FCRL6: variants seen among roughly 807,000 people sequenced by gnomAD.
FCRL6 encodes the protein Fc receptor like 6.
Under a neutral mutation model 49.1 loss-of-function variants are expected in FCRL6, and 50 were observed. That is an observed-to-expected ratio of 1.02 (90% CI 0.81 to 1.29). The LOEUF is 1.29. Among genes scored for constraint, FCRL6 ranks in the 50% most tolerant of loss-of-function variants. FCRL6 has a pLI of 0.00. For synonymous variants in FCRL6, 213 were observed against 199.6 expected (o/e 1.07, Z -0.57); for missense variants, 571 against 518.5 (o/e 1.10, Z -0.98).
chr1:159,801,444 G>C (rs1040320633), upstream of FCRL6, among the ~76,000 whole-genome samples: 2 of 152,180 alleles, frequency 1.3e-5, no homozygotes, highest in African/African-American at 4.8e-5. Context: ...AGGGTCACGG[G>C]CTCCCCCAGA....
intron 1 of FCRL6, among the ~76,000 whole-genome samples, chr1:159,805,325 A>G (rs1662605783): frequency 6.6e-6 from 1 of 152,098 alleles, no homozygotes; most frequent in Non-Finnish European, 1.5e-5. Flanking sequence ...ATCTGCTCTT[A>G]GAGGGTTTTC....
At chr1:159,814,356 T>A in intron 8 of FCRL6, 64 bp downstream of exon 8, 1 of 1,174,198 alleles carries the variant, frequency 8.5e-7, no homozygotes, top group Non-Finnish European at 1.3e-6. Flanking sequence ...ACAATGAGAG[T>A]ATCACTACCA....
intron 2 of FCRL6, among the ~76,000 whole-genome samples, chr1:159,807,501 A>G (rs1322430832): frequency 1.3e-5 from 2 of 152,232 alleles, no homozygotes; most frequent in East Asian, 3.8e-4. Flanking sequence ...ACATCAGTGC[A>G]CAGAATACAT....
chr1:159,816,257 A>T lies in FCRL6; in HGVS notation c.*596A>T, dbSNP rs545798639. ...AAACAACTATGTTACTGGTTTATGT[A>T]TTTACTATAACTTTTTCTTTTTGAG... On this transcript the variant is annotated 3_prime_UTR_variant, in exon 10 of 10. Coordinates refer to ENST00000368106, the MANE Select transcript of FCRL6 (RefSeq NM_001004310.3). 6.5e-6 allele frequency: 1 copy of T among 152,764 alleles called. No homozygotes were observed. The highest frequency in any genetic ancestry group is 2.1e-4 in the South Asian group (1 of 4,848). The allele number at this position is 152,764 out of a possible 1,614,324, so 9.5% of individuals were successfully genotyped here.
At chr1:159,807,582 G>C (rs1258896215) in intron 2 of FCRL6, among the ~76,000 whole-genome samples, 1 of 152,204 alleles carries the variant, frequency 6.6e-6, no homozygotes, top group Non-Finnish European at 1.5e-5. Flanking sequence ...CCTGCTGAGG[G>C]TAGAGATGGA....
Position 159,808,545 on chromosome 1 carries a change from GC to G in FCRL6, c.319+105del, listed in dbSNP as rs1444411492. On this transcript the variant is annotated intron_variant, in intron 3 of 9. Transcript: ENST00000368106. ...CTGGGCTGGACCCCTGTCTCTGGCT[GC>G]CCCTCATGCTGGGCCAATGTGTGGG... 6 of 1,437,210 alleles carry G rather than the reference GC, an allele frequency of 4.2e-6. No individual in the cohort carries two copies. In the South Asian group the frequency reaches 6.1e-5, roughly 15 times the overall value. 89.0% of individuals were successfully genotyped at this position (1,437,210 alleles called of 1,614,324 possible). A position where few individuals can be genotyped will look rare whatever the true frequency, so the allele number is the denominator to read the frequency against.
Position 159,814,300 on chromosome 1 carries a change from A to G in FCRL6, c.1147+8A>G. ...CCTCAAAGAGGAGTGAAGGTGAGTG[A>G]TCTCAGGCCAAACTTGGTACCTTTG... On this transcript the variant is annotated splice_region_variant and intron_variant, in intron 8 of 9. Transcript: ENST00000368106. The G allele has an allele frequency of 6.2e-7, 1 of 1,613,072 alleles. No individual in the cohort carries two copies. The highest frequency in any genetic ancestry group is 1.7e-4 in the Middle Eastern group (1 of 6,060).
At chr1:159,807,746 A>G (rs1662789464) in intron 2 of FCRL6, among the ~76,000 whole-genome samples, 1 of 152,210 alleles carries the variant, frequency 6.6e-6, no homozygotes, top group South Asian at 2.1e-4. Flanking sequence ...AGGTAGCCAC[A>G]GGAGGAGAAG....
intron 1 of FCRL6, among the ~76,000 whole-genome samples, chr1:159,805,163 G>A (rs1476568456): frequency 1.3e-5 from 2 of 152,138 alleles, no homozygotes; most frequent in African/African-American, 4.8e-5. Context: ...TGGAGATGGA[G>A]GGATGATAAA....
In FCRL6 at chr1:159,806,626, G is replaced by A; in HGVS notation, c.52+10G>A. The A allele has an allele frequency of 1.2e-6, 2 of 1,613,616 alleles. No individual in the cohort carries two copies. The highest frequency in any genetic ancestry group is 1.7e-6 in the Non-Finnish European group (2 of 1,179,472). On this transcript the variant is annotated intron_variant, in intron 2 of 9. Transcript: ENST00000368106. ...TGTGTTGGGAAAACTGGTAAGTTGT[G>A]TCCATGTCTCTTCTAATTCAAAGTA...
At chr1:159,806,386 G>A (rs1221726333) in intron 1 of FCRL6, among the ~76,000 whole-genome samples, 1 of 151,616 alleles carries the variant, frequency 6.6e-6, no homozygotes, top group Non-Finnish European at 1.5e-5. Context: ...GGATGGTTGG[G>A]TGGTTGGATG....
rs73030816 is a variant in FCRL6 at position 159,808,832 on chromosome 1, A to G, written c.320-129A>G. 0.011 allele frequency: 10,222 copies of G among 893,144 alleles called. 692 individuals are homozygous for G. The African/African-American group carries it at 0.15, about 13-fold the overall frequency. 55.3% of individuals were successfully genotyped at this position (893,144 alleles called of 1,614,324 possible). A position where few individuals can be genotyped will look rare whatever the true frequency, so the allele number is the denominator to read the frequency against. On this transcript the variant is annotated intron_variant, in intron 3 of 9. Coordinates refer to ENST00000368106, the MANE Select transcript of FCRL6 (RefSeq NM_001004310.3). ...GGGTGAGGGTAAGAGGACGGGTCCT[A>G]GGGATGAAACTGCCTCCCATCGGGG...
chr1:159,808,111 G>T, intron 2 of FCRL6, 67 bp from the exon 3 acceptor site: 1 of 1,547,530 alleles, frequency 6.5e-7, no homozygotes, highest in Non-Finnish European at 8.8e-7. Context: ...TAGGCTGGGG[G>T]ACAGAGGGAG....
intron 1 of FCRL6, among the ~76,000 whole-genome samples, chr1:159,805,912 C>T (rs1047874905): frequency 3.9e-5 from 6 of 152,212 alleles, no homozygotes; most frequent in African/African-American, 1.4e-4. Flanking sequence ...GACCCTCAGG[C>T]ACATTCGTAC....
intron 3 of FCRL6, 160 bp from the exon 4 acceptor site, chr1:159,808,801 G>T (rs950331047): frequency 2.8e-6 from 2 of 716,302 alleles, no homozygotes; most frequent in Non-Finnish European, 4.5e-6. Flanking sequence ...TCATTTCAGA[G>T]TTTGTGGGTG....
intron 1 of FCRL6, among the ~76,000 whole-genome samples, chr1:159,802,989 T>G (rs1571084527): frequency 1.3e-5 from 2 of 152,334 alleles, no homozygotes; most frequent in Middle Eastern, 6.8e-3. Flanking sequence ...CTCACCTGGT[T>G]GAAAGGCCTG....
At chr1:159,803,993 C>T (rs1662508921) in intron 1 of FCRL6, among the ~76,000 whole-genome samples, 1 of 152,202 alleles carries the variant, frequency 6.6e-6, no homozygotes, top group Non-Finnish European at 1.5e-5. Flanking sequence ...GGAATCCTGA[C>T]ATTGAGCATG....
At chr1:159,814,713 C>T (rs72700617) in intron 8 of FCRL6, among the ~76,000 whole-genome samples, 5,412 of 152,274 alleles carry the variant, frequency 0.036, 146 homozygotes, top group Non-Finnish European at 0.057. Context: ...CTAAACAGGA[C>T]AGTCTCCACT....
chr1:159,808,577 G>T (rs531112215), intron 3 of FCRL6, 133 bp downstream of exon 3: 35 of 1,014,132 alleles, frequency 3.5e-5, no homozygotes, highest in Middle Eastern at 4.8e-4. Flanking sequence ...GTGGGGCCCC[G>T]AGGTTTCCCA....
Sources: allele counts gnomAD v4.1 joint callset (sites outside exome capture counted in the v4.1 genomes callset), GRCh38; gene constraint gnomAD v4.1.1; transcripts MANE v1.5; gene names NCBI Gene and HGNC (gene_info 2026-07-23, HGNC 2026-07-21).